Variants in EMCN observed in about 807,000 individuals in gnomAD.
The protein encoded by EMCN is MUC-14.
EMCN carries 37 observed loss-of-function variants against 38.4 expected under a neutral mutation model. That is an observed-to-expected ratio of 0.96 (90% confidence interval 0.74 to 1.27). The LOEUF is 1.27. Among genes scored for constraint, EMCN ranks in the 50% most tolerant of loss-of-function variants. EMCN has a pLI of 0.00. For synonymous variants in EMCN, 95 were observed against 100.8 expected (o/e 0.94, Z 0.35); for missense variants, 318 against 302.8 (o/e 1.05, Z -0.37).
At chr4:100,411,305 A>C (rs1381215983) in intron 10 of EMCN, among the ~76,000 whole-genome samples, 1 of 152,200 alleles carries the variant, frequency 6.6e-6, no homozygotes, top group African/African-American at 2.4e-5. Context: ...TCTTTTGCTA[A>C]CTATTGTTCG....
chr4:100,446,939 G>A (rs1469681531), intron 5 of EMCN, among the ~76,000 whole-genome samples: 2 of 152,154 alleles, frequency 1.3e-5, no homozygotes, highest in Non-Finnish European at 2.9e-5. Context: ...ATTTGTATAA[G>A]TACCAGGTAG....
chr4:100,474,835 G>A (rs1336696834), intron 3 of EMCN, among the ~76,000 whole-genome samples: 2 of 152,172 alleles, frequency 1.3e-5, no homozygotes, highest in African/African-American at 2.4e-5. Flanking sequence ...CAGAAGCTGG[G>A]AGGGGGATAT....
intron 1 of EMCN, among the ~76,000 whole-genome samples, chr4:100,508,059 C>G: frequency 6.6e-6 from 1 of 152,076 alleles, no homozygotes; most frequent in South Asian, 2.1e-4. Context: ...GAAAATGAAG[C>G]AAGATAACTT....
Position 100,475,050 on chromosome 4 carries a change from T to G in EMCN, c.247A>C (p.Ser83Arg). The G allele has an allele frequency of 1.4e-5, 22 of 1,528,724 alleles. No individual in the cohort carries two copies. The highest frequency in any genetic ancestry group is 2.0e-5 in the Non-Finnish European group (22 of 1,123,824). 94.7% of individuals were successfully genotyped at this position (1,528,724 alleles called of 1,614,324 possible). Reference sequence around the variant, plus strand: ...AATCATTACTCACCTTCATCTTTACTTGTTAAAAAAGTAGCTGTTGACATC... The same window carrying G: ...AATCATTACTCACCTTCATCTTTACGTGTTAAAAAAGTAGCTGTTGACATC... ...SLMSTATFLTSKDEGLKATTT... is the reference protein window; with the variant it reads ...SLMSTATFLTRKDEGLKATTT... Residue 83 changes from serine (S) to arginine (R), a missense_variant, in exon 3 of 12, where the codon AGT becomes CGT. Ser to Arg is a moderately radical substitution (Grantham distance 110). Coordinates refer to ENST00000296420, the MANE Select transcript of EMCN (RefSeq NM_016242.4).
chr4:100,423,357 T>TA lies in EMCN; in HGVS notation c.462_463insT (p.Thr155TyrfsTer20). 1 of 1,613,100 alleles carries TA rather than the reference T, an allele frequency of 6.2e-7. No homozygotes were observed. Among genetic ancestry groups the TA allele is most frequent in the Non-Finnish European group, 8.5e-7 (1 of 1,179,408 alleles). ...TCTGGAATTGTAACTGGTATTGAGG[T>TA]TAATGTACCAGTTTTAGAAGGTGAT... On this transcript the variant is annotated frameshift_variant, in exon 6 of 12. Transcript: ENST00000296420. LOFTEE classifies it high-confidence loss of function.
chr4:100,427,766 A>G (rs985538764), intron 5 of EMCN, among the ~76,000 whole-genome samples: 5 of 152,104 alleles, frequency 3.3e-5, no homozygotes, highest in African/African-American at 1.2e-4. Context: ...CTCTGGATTT[A>G]TAAATCCGGA....
chr4:100,406,139 A>C (rs1482611535), intron 11 of EMCN, among the ~76,000 whole-genome samples: 3 of 151,622 alleles, frequency 2.0e-5, no homozygotes, highest in African/African-American at 7.3e-5. Context: ...TTTCATTTTT[A>C]GTCTAGCTAA....
At chr4:100,469,007 A>T (rs1255793399) in intron 3 of EMCN, among the ~76,000 whole-genome samples, 3 of 152,130 alleles carry the variant, frequency 2.0e-5, no homozygotes, top group African/African-American at 4.8e-5. Context: ...CAGTAATCCA[A>T]ACAGTATAAT....
In EMCN at chr4:100,459,168, GCTCT is replaced by G. The variant is rs70958363; in HGVS notation, c.376+6251_376+6254del. Among the ~76,000 whole-genome samples, 633 of 132,684 alleles carry G rather than the reference GCTCT, an allele frequency of 4.8e-3. 4 individuals carry two copies. Among genetic ancestry groups the G allele is most frequent in the Middle Eastern group, 7.6e-3 (2 of 264 alleles). The allele number at this position is 132,684 out of a possible 152,430, so 87.0% of individuals were successfully genotyped here. A position where few individuals can be genotyped will look rare whatever the true frequency, so the allele number is the denominator to read the frequency against. ...CTAGCTGGAGCCATTGCCCTCAGAT[GCTCT>G]CTCTCTCTCTCTCTCTCTCTCTCTC... On this transcript the variant is annotated intron_variant, in intron 4 of 11. Transcript: ENST00000296420.
At chr4:100,398,430 C>G (rs922928395) in intron 11 of EMCN, 57 bp from the exon 12 acceptor site, 10 of 151,926 alleles carry the variant, frequency 6.6e-5, no homozygotes, top group African/African-American at 2.4e-4. Flanking sequence ...TCCAAGAAAG[C>G]GAAGAAGAAA....
At chr4:100,438,880 T>C (rs1727428413) in intron 5 of EMCN, among the ~76,000 whole-genome samples, 1 of 152,092 alleles carries the variant, frequency 6.6e-6, no homozygotes, top group East Asian at 1.9e-4. Context: ...ATGTCATATA[T>C]TACTTTGATT....
chr4:100,486,809 G>T (rs72692131), intron 1 of EMCN: 209,533 of 965,438 alleles, frequency 0.22, 23,694 homozygotes, highest in Middle Eastern at 0.31. Context: ...AACCTGAGAT[G>T]TCCTGGCTGA....
rs920232220 is a variant in EMCN at position 100,397,987 on chromosome 4, C to G, written c.*426G>C. On this transcript the variant is annotated 3_prime_UTR_variant, in exon 12 of 12. Transcript: ENST00000296420. ...CATAGTGGTAAACAATAAATACTAA[C>G]AGTAGGTAATATAAGAACACTGAGA... is the stretch of plus-strand genomic sequence containing the variant. 6.6e-6 allele frequency: 1 copy of G among 151,858 alleles called. No homozygotes were observed. Among genetic ancestry groups the G allele is most frequent in the Admixed American group, 6.6e-5 (1 of 15,246 alleles). The allele number at this position is 151,858 out of a possible 1,614,324, so 9.4% of individuals were successfully genotyped here. A position where few individuals can be genotyped will look rare whatever the true frequency, so the allele number is the denominator to read the frequency against.
chr4:100,447,785 C>A (rs1727719364), intron 4 of EMCN, among the ~76,000 whole-genome samples: 1 of 151,946 alleles, frequency 6.6e-6, no homozygotes, highest in South Asian at 2.1e-4. Flanking sequence ...CCCTTAAGGG[C>A]CAAATTTTTT....
chr4:100,403,068 C>CT lies in EMCN; in HGVS notation c.*40-4696dup, dbSNP rs1178507109. Among the ~76,000 whole-genome samples the CT allele has an allele frequency of 3.9e-5, 6 of 151,952 alleles. No homozygotes were observed. In the South Asian group the frequency reaches 1.0e-3, roughly 26 times the overall value. ...ATAGGATGGACCAACTTCCAGGTTC[C>CT]TTTTTTTTCCTTTAAAACTTTTATT... On this transcript the variant is annotated intron_variant, in intron 11 of 11. Coordinates refer to ENST00000296420, the MANE Select transcript of EMCN (RefSeq NM_016242.4).
intron 4 of EMCN, among the ~76,000 whole-genome samples, chr4:100,454,981 T>G (rs1268726217): frequency 6.6e-6 from 1 of 152,270 alleles, no homozygotes; most frequent in South Asian, 2.1e-4. Flanking sequence ...AGGTTATGCT[T>G]TTTATCCAGT....
At chr4:100,459,917 AT>A (rs1393275791) in intron 4 of EMCN, among the ~76,000 whole-genome samples, 2 of 152,134 alleles carry the variant, frequency 1.3e-5, no homozygotes, top group African/African-American at 4.8e-5. Context: ...TGACACACTA[AT>A]TTTATTTCCT....
intron 3 of EMCN, among the ~76,000 whole-genome samples, chr4:100,468,622 T>C (rs1160925111): frequency 6.6e-6 from 1 of 152,100 alleles, no homozygotes; most frequent in Non-Finnish European, 1.5e-5. Context: ...CTACTAGTAC[T>C]GTGGTATATT....
intron 7 of EMCN, among the ~76,000 whole-genome samples, 198 bp downstream of exon 7, chr4:100,422,822 CT>C (rs71878999): frequency 0.46 from 55,875 of 122,176 alleles, 10,937 homozygotes; most frequent in East Asian, 0.73. Context: ...TCTTTCTTTT[CT>C]TTTTTTTTTT....
Sources: allele counts gnomAD v4.1 joint callset (sites outside exome capture counted in the v4.1 genomes callset), GRCh38; gene constraint gnomAD v4.1.1; transcripts MANE v1.5; gene names NCBI Gene and HGNC (gene_info 2026-07-23, HGNC 2026-07-21).